NETO2: variants seen among roughly 807,000 people sequenced by gnomAD.
The protein encoded by NETO2 is neuropilin and tolloid like 2.
A neutral mutation model predicts 62.5 loss-of-function variants in NETO2; 28 were observed. That is an observed-to-expected ratio of 0.45 (90% confidence interval 0.33 to 0.61). NETO2 has a LOEUF of 0.61. Ranked by LOEUF, NETO2 falls within the 20% of genes least tolerant of loss-of-function variation. The pLI is 0.02. For missense variants in NETO2, 548 were observed against 643.2 expected (o/e 0.85, Z 1.60); for synonymous variants, 214 against 219.1 (o/e 0.98, Z 0.21).
At chr16:47,139,586 T>C (rs1476606258) in intron 1 of NETO2, among the ~76,000 whole-genome samples, 1 of 152,220 alleles carries the variant, frequency 6.6e-6, no homozygotes, top group Non-Finnish European at 1.5e-5. Flanking sequence ...AGAGTCCACA[T>C]ACTATTTGAC....
Position 47,143,770 on chromosome 16 carries a change from C to G in NETO2, c.-158G>C. 10 of 1,021,938 alleles carry G rather than the reference C, an allele frequency of 9.8e-6. No homozygotes were observed. Among genetic ancestry groups the G allele is most frequent in the Non-Finnish European group, 1.2e-5 (10 of 806,130 alleles). 63.3% of individuals were successfully genotyped at this position (1,021,938 alleles called of 1,614,324 possible). A position where few individuals can be genotyped will look rare whatever the true frequency, so the allele number is the denominator to read the frequency against. On this transcript the variant is annotated 5_prime_UTR_variant, in exon 1 of 9. Transcript: ENST00000562435. The stretch of plus-strand genomic sequence containing the variant: ...TGAGGAGAGCTCAGGTCCTGCGGCC[C>G]GCCATGCCCGAGCCCCACAGTGGGC...
intron 2 of NETO2, among the ~76,000 whole-genome samples, chr16:47,131,657 GA>G (rs1964268655): frequency 6.6e-6 from 1 of 152,130 alleles, no homozygotes; most frequent in African/African-American, 2.4e-5. Flanking sequence ...GTTTAAATTA[GA>G]AAAAGGGACT....
chr16:47,122,862 C>T lies in NETO2; in HGVS notation c.526+6G>A, dbSNP rs1964069202. 5 of 1,613,826 alleles carry T rather than the reference C, an allele frequency of 3.1e-6. No individual in the cohort carries two copies. The highest frequency in any genetic ancestry group is 1.3e-5 in the African/African-American group (1 of 74,900). On this transcript the variant is annotated splice_donor_region_variant and intron_variant, in intron 5 of 8. Coordinates refer to ENST00000562435, the MANE Select transcript of NETO2 (RefSeq NM_018092.5). ...GCCAAGAGGAACAAGTGGTAATATA[C>T]TAAACCTGGAATGGGATTTAAAATA...
At chr16:47,125,533 A>G (rs1964139189) in intron 4 of NETO2, among the ~76,000 whole-genome samples, 3 of 151,896 alleles carry the variant, frequency 2.0e-5, no homozygotes, top group Admixed American at 2.0e-4. Flanking sequence ...TTTAGTAGAG[A>G]CGGGGTTTTG....
intron 7 of NETO2, among the ~76,000 whole-genome samples, chr16:47,108,142 G>A (rs1963712818): frequency 6.6e-6 from 1 of 152,084 alleles, no homozygotes; most frequent in African/African-American, 2.4e-5. Context: ...CCATACTGAT[G>A]TAATTATTAA....
In NETO2 at chr16:47,128,460, G is replaced by A; in HGVS notation, c.346C>T (p.Pro116Ser). 1.9e-6 allele frequency: 3 copies of A among 1,614,038 alleles called. No individual in the cohort carries two copies. Among genetic ancestry groups the A allele is most frequent in the Admixed American group, 1.7e-5 (1 of 60,018 alleles). The stretch of plus-strand genomic sequence containing the variant: ...ACGCCACAGTAACGATCTATAAGAG[G>A]AGAGAAACCAAATGGCCCATCTCGA... Reference protein sequence around the residue: ...EVRDGPFGFSPLIDRYCGVKS... With the variant: ...EVRDGPFGFSSLIDRYCGVKS... Residue 116 changes from proline to serine, a missense_variant, in exon 4 of 9, where the codon CCT (proline) becomes TCT (serine). Physicochemically the swap from Pro to Ser is moderately conservative, Grantham distance 74. Coordinates refer to ENST00000562435, the MANE Select transcript of NETO2 (RefSeq NM_018092.5).
chr16:47,087,177 A>T (rs1963210627), intron 7 of NETO2, among the ~76,000 whole-genome samples: 1 of 151,938 alleles, frequency 6.6e-6, no homozygotes, highest in African/African-American at 2.4e-5. Context: ...TACAGGCACG[A>T]GCCATGCCTG....
Position 47,138,785 on chromosome 16 carries a change from T to A in NETO2, c.34+4794A>T, listed in dbSNP as rs984610166. ...TCCCATTATAGTTAGAACAACTCTGTGCCCCTTACTCTGACTTCGGAGGTA... is the reference window on the plus strand; with the variant it reads ...TCCCATTATAGTTAGAACAACTCTGAGCCCCTTACTCTGACTTCGGAGGTA... On this transcript the variant is annotated intron_variant, in intron 1 of 8. Coordinates refer to ENST00000562435, the MANE Select transcript of NETO2 (RefSeq NM_018092.5). Among the ~76,000 whole-genome samples the A allele has an allele frequency of 1.6e-4, 24 of 152,204 alleles. 1 individual carries two copies. The highest frequency in any genetic ancestry group is 5.9e-4 in the Admixed American group (9 of 15,282).
At chr16:47,122,961 A>G in intron 4 of NETO2, 49 bp from the exon 5 acceptor site, 1 of 1,545,260 alleles carries the variant, frequency 6.5e-7, no homozygotes, top group South Asian at 1.1e-5. Context: ...TAGTTACTTT[A>G]ATCCTCGATG....
intron 7 of NETO2, among the ~76,000 whole-genome samples, chr16:47,091,291 A>G (rs953857957): frequency 2.6e-5 from 4 of 152,234 alleles, no homozygotes; most frequent in Non-Finnish European, 4.4e-5. Context: ...GTGATTAGTT[A>G]ATATAAAGAT....
At chr16:47,120,710 C>G (rs750662629) in intron 6 of NETO2, among the ~76,000 whole-genome samples, 3 of 152,190 alleles carry the variant, frequency 2.0e-5, no homozygotes, top group Non-Finnish European at 4.4e-5. Context: ...CTATTGTCTT[C>G]AGGCTTCTAT....
At chr16:47,106,867 C>T (rs1963687104) in intron 7 of NETO2, among the ~76,000 whole-genome samples, 1 of 151,766 alleles carries the variant, frequency 6.6e-6, no homozygotes, top group Admixed American at 6.6e-5. Flanking sequence ...CTGCAACCTC[C>T]ACCTCCCAGT....
intron 7 of NETO2, among the ~76,000 whole-genome samples, chr16:47,107,296 G>C (rs1963696236): frequency 6.6e-6 from 1 of 152,152 alleles, no homozygotes; most frequent in African/African-American, 2.4e-5. Flanking sequence ...CAACAATTAT[G>C]TTTCCACAAC....
intron 1 of NETO2, among the ~76,000 whole-genome samples, chr16:47,137,027 T>A (rs1189050067): frequency 6.6e-6 from 1 of 152,138 alleles, no homozygotes; most frequent in Admixed American, 6.5e-5. Flanking sequence ...CATACATATA[T>A]ACATGTACAG....
chr16:47,136,816 C>T (rs564882821), intron 1 of NETO2, among the ~76,000 whole-genome samples: 8 of 151,904 alleles, frequency 5.3e-5, no homozygotes, highest in East Asian at 3.9e-4. Context: ...ATAGATCTCG[C>T]CTTCAAGCTA....
intron 7 of NETO2, among the ~76,000 whole-genome samples, chr16:47,096,728 A>G (rs1432490944): frequency 1.3e-5 from 2 of 152,248 alleles, no homozygotes; most frequent in African/African-American, 2.4e-5. Flanking sequence ...ATTAACACCA[A>G]TCAGTTGATT....
At position 47,109,720 on chromosome 16, in the gene NETO2, T is replaced by G. The variant is rs747007316; in HGVS notation, c.655-9A>C. ...AGGAACCTCAAATAAATCTGTAATA[T>G]TAACACAAAAACACTGCTTTTAAAA... On this transcript the variant is annotated splice_polypyrimidine_tract_variant and intron_variant, in intron 6 of 8. Coordinates refer to ENST00000562435, the MANE Select transcript of NETO2 (RefSeq NM_018092.5). 1.3e-6 allele frequency: 2 copies of G among 1,569,860 alleles called. No individual in the cohort carries two copies. The highest frequency in any genetic ancestry group is 2.7e-5 in the African/African-American group (2 of 73,978).
chr16:47,140,248 C>G (rs755343105), intron 1 of NETO2, among the ~76,000 whole-genome samples: 1 of 152,142 alleles, frequency 6.6e-6, no homozygotes, highest in Non-Finnish European at 1.5e-5. Flanking sequence ...ATTAGACCAC[C>G]TCTTAAGATG....
At chr16:47,134,910 T>C (rs1267910293) in intron 1 of NETO2, among the ~76,000 whole-genome samples, 4 of 152,376 alleles carry the variant, frequency 2.6e-5, no homozygotes, top group East Asian at 1.9e-4. Context: ...TAGCCTATTA[T>C]ATTCTTTTCA....
Sources: allele counts gnomAD v4.1 joint callset (sites outside exome capture counted in the v4.1 genomes callset), GRCh38; gene constraint gnomAD v4.1.1; transcripts MANE v1.5; gene names NCBI Gene and HGNC (gene_info 2026-07-23, HGNC 2026-07-21).